The following CTNNA2 variants were observed in gnomAD, a reference collection of about 807,000 sequenced individuals.
The protein encoded by CTNNA2 is catenin alpha-2.
In CTNNA2, 42 loss-of-function variants were observed where a neutral mutation model predicts 101.0. The observed-to-expected ratio is 0.42, with a 90% CI of 0.32 to 0.54. The LOEUF (loss-of-function observed/expected upper bound fraction) is 0.54, where lower values mean the gene tolerates loss of function less well. Among genes scored for constraint, CTNNA2 ranks in the 20% least tolerant of loss-of-function variants. CTNNA2 has a pLI of 0.14. For synonymous variants in CTNNA2, 450 were observed against 456.4 expected (o/e 0.99, Z 0.18); for missense variants, 871 against 1,223.1 (o/e 0.71, Z 4.29).
chr2:79,439,662 G>A (rs1337875382), intron 4 of CTNNA2, among the ~76,000 whole-genome samples: 1 of 152,060 alleles, frequency 6.6e-6, no homozygotes, highest in Admixed American at 6.6e-5. Flanking sequence ...TCTGGGGTGG[G>A]GCCTGATATT....
intron 7 of CTNNA2, among the ~76,000 whole-genome samples, chr2:80,050,738 T>G (rs1696822090): frequency 6.6e-6 from 1 of 152,172 alleles, no homozygotes; most frequent in Non-Finnish European, 1.5e-5. Flanking sequence ...TCTCACCCTG[T>G]CACCCAGGCT....
intron 7 of CTNNA2, among the ~76,000 whole-genome samples, chr2:80,095,124 G>A (rs1377539295): frequency 1.3e-5 from 2 of 152,228 alleles, no homozygotes; most frequent in East Asian, 3.8e-4. Context: ...CATTCAGTAT[G>A]ATATTGGCTG....
At chr2:79,959,874 T>A (rs574979455) in intron 7 of CTNNA2, among the ~76,000 whole-genome samples, 3 of 152,354 alleles carry the variant, frequency 2.0e-5, no homozygotes, top group Admixed American at 6.5e-5. Context: ...TATGGTGAGC[T>A]ATAAAGCTCT....
At chr2:79,650,721 G>A (rs1681178769) in intron 1 of CTNNA2, among the ~76,000 whole-genome samples, 1 of 150,720 alleles carries the variant, frequency 6.6e-6, no homozygotes, top group African/African-American at 2.4e-5. Context: ...GTGCCACGCT[G>A]GTGTGCTGCA....
intron 7 of CTNNA2, among the ~76,000 whole-genome samples, chr2:79,972,466 T>G (rs191137806): frequency 1.3e-5 from 2 of 152,288 alleles, no homozygotes; most frequent in African/African-American, 2.4e-5. Flanking sequence ...AGTATTTTAT[T>G]CTAATTCGTG....
chr2:79,857,678 G>T (rs1302014912), intron 3 of CTNNA2, among the ~76,000 whole-genome samples: 1 of 152,134 alleles, frequency 6.6e-6, no homozygotes, highest in Non-Finnish European at 1.5e-5. Context: ...TGGTATCATT[G>T]GTTCCAAGGC....
chr2:79,317,761 T>A (rs895417966), intron 3 of CTNNA2, among the ~76,000 whole-genome samples: 1 of 152,146 alleles, frequency 6.6e-6, no homozygotes, highest in Non-Finnish European at 1.5e-5. Context: ...TCAAGGCCTA[T>A]AAAAGTCTTA....
At position 79,844,077 on chromosome 2, in the gene CTNNA2, C is replaced by T. The variant is rs191889616; in HGVS notation, c.299-13936C>T. On this transcript the variant is annotated intron_variant, in intron 3 of 18. Transcript: ENST00000402739. ...GGGACTGTGTACCTACGTTCACTGG[C>T]AGGTACAAACAGTGCAATTTTCAAG... is the stretch of plus-strand genomic sequence containing the variant. Among the ~76,000 whole-genome samples, 5 of 152,206 alleles carry T rather than the reference C, an allele frequency of 3.3e-5. No homozygotes were observed. The East Asian group carries it at 9.7e-4, about 29-fold the overall frequency.
At chr2:80,275,271 C>A (rs1364146760) in intron 7 of CTNNA2, among the ~76,000 whole-genome samples, 1 of 152,176 alleles carries the variant, frequency 6.6e-6, no homozygotes, top group African/African-American at 2.4e-5. Flanking sequence ...CAATCATCAA[C>A]CTGCTTACTC....
chr2:79,482,464 A>G (rs1463046965), intron 4 of CTNNA2, among the ~76,000 whole-genome samples: 1 of 152,186 alleles, frequency 6.6e-6, no homozygotes, highest in Non-Finnish European at 1.5e-5. Context: ...CCTGAAAAAC[A>G]TAAAGGCTTA....
intron 1 of CTNNA2, among the ~76,000 whole-genome samples, chr2:79,515,831 A>G (rs971763787): frequency 6.6e-6 from 1 of 152,134 alleles, no homozygotes; most frequent in Non-Finnish European, 1.5e-5. Context: ...AATACTTGAT[A>G]CAATAAAGAG....
At chr2:79,650,367 A>G (rs1366522399) in intron 1 of CTNNA2, among the ~76,000 whole-genome samples, 1 of 152,054 alleles carries the variant, frequency 6.6e-6, no homozygotes, top group East Asian at 1.9e-4. Flanking sequence ...GTAGCAGATA[A>G]TTTTTCAGAA....
intron 7 of CTNNA2, among the ~76,000 whole-genome samples, chr2:80,108,893 G>A (rs1408647535): frequency 1.4e-5 from 2 of 138,690 alleles, no homozygotes; most frequent in Non-Finnish European, 3.0e-5. Context: ...TCCCAAGGGT[G>A]TAGATTTTCA....
chr2:79,479,623 T>G (rs1485327032), intron 4 of CTNNA2, among the ~76,000 whole-genome samples: 2 of 152,082 alleles, frequency 1.3e-5, no homozygotes, highest in African/African-American at 4.8e-5. Flanking sequence ...TCAGTTGTGT[T>G]GCTATAGAGG....
At chr2:80,454,222 A>T (rs1019480781) in intron 9 of CTNNA2, among the ~76,000 whole-genome samples, 2 of 152,192 alleles carry the variant, frequency 1.3e-5, no homozygotes, top group South Asian at 2.1e-4. Flanking sequence ...TCTGGAAAGG[A>T]TCAAATAAGA....
chr2:80,279,049 CGTGTGTGTGTGTGT>C (rs3219982), intron 7 of CTNNA2, among the ~76,000 whole-genome samples: 7 of 135,734 alleles, frequency 5.2e-5, no homozygotes, highest in Admixed American at 4.4e-4. Flanking sequence ...ATGACTTTTA[CGTGTGTGTGTGTGT>C]GTGTGTGTGT....
At chr2:80,490,804 G>A (rs1234656184) in intron 9 of CTNNA2, among the ~76,000 whole-genome samples, 1 of 152,158 alleles carries the variant, frequency 6.6e-6, no homozygotes, top group African/African-American at 2.4e-5. Context: ...TGTCAGAGAA[G>A]TGAGCACTAC....
chr2:80,032,181 C>T (rs909141720), intron 7 of CTNNA2, among the ~76,000 whole-genome samples: 1 of 151,558 alleles, frequency 6.6e-6, no homozygotes, highest in African/African-American at 2.4e-5. Context: ...ACATGAGGAG[C>T]GTTTTGAAAG....
In CTNNA2 at chr2:80,082,185, T is replaced by C. The variant is rs555926978; in HGVS notation, c.1056+172388T>C. ...TCTGATGCTATTTTTTCTAGTTCAA[T>C]AACTTTAGAGAATTAATGGGATTTC... On this transcript the variant is annotated intron_variant, in intron 7 of 18. Transcript: ENST00000402739. Among the ~76,000 whole-genome samples, 22 of 152,326 alleles carry C rather than the reference T, an allele frequency of 1.4e-4. No homozygotes were observed. In the East Asian group the frequency reaches 4.2e-3, roughly 29 times the overall value.
Sources: gnomAD v4.1 joint callset for allele counts (sites outside exome capture counted in the v4.1 genomes callset) on GRCh38, gnomAD v4.1.1 for gene constraint, MANE v1.5 for transcripts, NCBI Gene and HGNC (gene_info 2026-07-23, HGNC 2026-07-21) for gene names.